TFAP2B: variants seen among roughly 807,000 people sequenced by gnomAD.
TFAP2B encodes transcription factor AP-2-beta.
A neutral mutation model predicts 44.3 loss-of-function variants in TFAP2B; 9 were observed. The observed-to-expected ratio is 0.20, with a 90% CI of 0.12 to 0.35. TFAP2B has a LOEUF of 0.35. Ranked by LOEUF, TFAP2B falls within the 10% of genes least tolerant of loss-of-function variation. The pLI is 1.00. For synonymous variants in TFAP2B, 270 were observed against 263.8 expected (o/e 1.02, Z -0.23); for missense variants, 509 against 600.0 (o/e 0.85, Z 1.59).
intron 5 of TFAP2B, among the ~76,000 whole-genome samples, chr6:50,839,588 G>A (rs1762684852): frequency 6.6e-6 from 1 of 152,170 alleles, no homozygotes; most frequent in African/African-American, 2.4e-5. Context: ...CTCTGAAGGG[G>A]AGAAACCTGA....
At chr6:50,824,668 T>C (rs909688378) in intron 2 of TFAP2B, among the ~76,000 whole-genome samples, 2 of 152,178 alleles carry the variant, frequency 1.3e-5, no homozygotes, top group African/African-American at 4.8e-5. Context: ...ATCATCCCAG[T>C]TGAGAGGCAT....
chr6:50,828,781 A>T, intron 3 of TFAP2B, 102 bp downstream of exon 3: 1 of 1,369,260 alleles, frequency 7.3e-7, no homozygotes, highest in Non-Finnish European at 1.0e-6. Flanking sequence ...GACAAGACAT[A>T]AATGTTTGTT....
chr6:50,840,087 G>T, intron 5 of TFAP2B, 69 bp from the exon 6 acceptor site: 1 of 1,598,096 alleles, frequency 6.3e-7, no homozygotes, highest in South Asian at 1.1e-5. Flanking sequence ...AGCTGACAAG[G>T]GAATGTCTCC....
intron 1 of TFAP2B, among the ~76,000 whole-genome samples, chr6:50,821,602 T>C (rs1315957620): frequency 6.6e-6 from 1 of 152,158 alleles, no homozygotes; most frequent in Non-Finnish European, 1.5e-5. Flanking sequence ...GCCTCTTTCC[T>C]GCTAAACTTT....
upstream of TFAP2B, chr6:50,818,808 G>A (rs1770243325): frequency 7.9e-7 from 1 of 1,265,736 alleles, no homozygotes; most frequent in East Asian, 2.3e-5. Context: ...CGTCGGATTT[G>A]GTGTGTATCC....
intron 1 of TFAP2B, 144 bp from the exon 2 acceptor site, chr6:50,823,263 G>T: frequency 1.3e-6 from 1 of 773,322 alleles, no homozygotes; most frequent in Non-Finnish European, 2.2e-6. Flanking sequence ...CCTTGTCCCG[G>T]GAAGAGCGTA....
At chr6:50,826,080 C>T (rs1388888900) in intron 2 of TFAP2B, among the ~76,000 whole-genome samples, 2 of 152,140 alleles carry the variant, frequency 1.3e-5, no homozygotes, top group East Asian at 1.9e-4. Flanking sequence ...GATCCACTTC[C>T]GAGTTAGGAA....
chr6:50,820,914 AAG>A (rs1263738346), intron 1 of TFAP2B, among the ~76,000 whole-genome samples: 3 of 151,730 alleles, frequency 2.0e-5, no homozygotes, highest in East Asian at 3.9e-4. Context: ...GAAGGGAGGG[AAG>A]AGAGAAGAGA....
chr6:50,836,096 A>G lies in TFAP2B; in HGVS notation c.637A>G (p.Met213Val). 6.2e-7 allele frequency: 1 copy of G among 1,614,060 alleles called. No individual in the cohort carries two copies. Among genetic ancestry groups the G allele is most frequent in the Non-Finnish European group, 8.5e-7 (1 of 1,180,016 alleles). The change falls in exon 4 of 7, where the codon ATG becomes GTG. Residue 213 changes from methionine (M) to valine (V), a missense_variant. Coordinates refer to ENST00000393655, the MANE Select transcript of TFAP2B (RefSeq NM_003221.4). Reference protein sequence around the residue: ...VPPKSVTSLMMNKDGFLGGMS... With the variant: ...VPPKSVTSLMVNKDGFLGGMS... ...TCCCAAATCGGTGACTTCTCTAATG[A>G]TGAATAAAGACGGCTTCCTGGGAGG...
intron 3 of TFAP2B, among the ~76,000 whole-genome samples, chr6:50,832,304 G>A (rs1046905372): frequency 2.0e-5 from 3 of 152,176 alleles, no homozygotes; most frequent in Admixed American, 6.5e-5. Context: ...ACTTTCTCAA[G>A]GTCCTATACA....
chr6:50,837,312 G>A (rs1448920877), intron 4 of TFAP2B, among the ~76,000 whole-genome samples: 1 of 152,170 alleles, frequency 6.6e-6, no homozygotes, highest in African/African-American at 2.4e-5. Context: ...TCAAGTGAGT[G>A]CTTTGAGCCT....
At chr6:50,836,389 G>A in intron 4 of TFAP2B, 109 bp downstream of exon 4, 2 of 985,870 alleles carry the variant, frequency 2.0e-6, no homozygotes, top group South Asian at 2.8e-5. Context: ...CCAATCTGCA[G>A]TCTGACGCAG....
Position 50,843,419 on chromosome 6 carries a change from T to C in TFAP2B, c.*27T>C, listed in dbSNP as rs772289832. The C allele has an allele frequency of 6.2e-7, 1 of 1,602,018 alleles. No individual in the cohort carries two copies. The highest frequency in any genetic ancestry group is 8.5e-7 in the Non-Finnish European group (1 of 1,174,420). On this transcript the variant is annotated 3_prime_UTR_variant, in exon 7 of 7. Coordinates refer to ENST00000393655, the MANE Select transcript of TFAP2B (RefSeq NM_003221.4). ...AAATTTTTAAAAAAAGAAGGAAAAA[T>C]GTTTTAAATACAAAAGGAAAAACAG...
In TFAP2B at chr6:50,840,242, C is replaced by G. The variant is rs1762699567; in HGVS notation, c.1027C>G (p.Gln343Glu). The part of the protein sequence containing the change: ...AKAVSEYLNR[Q>E]HTDPSDLHSR... The stretch of plus-strand genomic sequence containing the variant: ...AGCCGTCTCTGAGTATTTGAACCGG[C>G]AGCACACAGACCCGAGTGACCTGCA... Residue 343 changes from glutamine to glutamate, a missense_variant, in exon 6 of 7, where the codon CAG (glutamine) becomes GAG (glutamate). Gln to Glu is a conservative substitution (Grantham distance 29). Coordinates refer to ENST00000393655, the MANE Select transcript of TFAP2B (RefSeq NM_003221.4). 1 of 1,614,146 alleles carries G rather than the reference C, an allele frequency of 6.2e-7. No individual in the cohort carries two copies. The highest frequency in any genetic ancestry group is 1.1e-5 in the South Asian group (1 of 91,068).
At chr6:50,820,757 C>A (rs1364827280) in intron 1 of TFAP2B, among the ~76,000 whole-genome samples, 1 of 152,188 alleles carries the variant, frequency 6.6e-6, no homozygotes, top group African/African-American at 2.4e-5. Context: ...ACAGCTCAAG[C>A]TATATGCATG....
chr6:50,830,509 T>TC (rs911960526), intron 3 of TFAP2B, among the ~76,000 whole-genome samples: 15 of 152,076 alleles, frequency 9.9e-5, no homozygotes, highest in African/African-American at 1.4e-4. Context: ...ACATTTTATG[T>TC]CCCCCCAAAT....
intron 2 of TFAP2B, 136 bp from the exon 3 acceptor site, chr6:50,828,483 A>T (rs1770586740): frequency 1.6e-6 from 1 of 644,020 alleles, no homozygotes; most frequent in Admixed American, 3.0e-5. Context: ...TTTGGAGGTA[A>T]TAATAATAAT....
At chr6:50,837,136 CTG>C (rs1762639404) in intron 4 of TFAP2B, among the ~76,000 whole-genome samples, 1 of 152,186 alleles carries the variant, frequency 6.6e-6, no homozygotes, top group Non-Finnish European at 1.5e-5. Context: ...CTAAAAGTGA[CTG>C]TATGAATAGT....
chr6:50,841,296 T>C (rs1762726843), intron 6 of TFAP2B, among the ~76,000 whole-genome samples: 1 of 152,050 alleles, frequency 6.6e-6, no homozygotes, highest in Non-Finnish European at 1.5e-5. Context: ...TTTACCCATC[T>C]CTCCCAATGA....
Sources: allele counts gnomAD v4.1 joint callset (sites outside exome capture counted in the v4.1 genomes callset), GRCh38; gene constraint gnomAD v4.1.1; transcripts MANE v1.5; gene names NCBI Gene and HGNC (gene_info 2026-07-23, HGNC 2026-07-21).